TMEM245: variants seen among roughly 807,000 people sequenced by gnomAD.
TMEM245 encodes the protein transmembrane protein 245.
A neutral mutation model predicts 101.2 loss-of-function variants in TMEM245; 69 were observed. That is an observed-to-expected ratio of 0.68 (90% confidence interval 0.56 to 0.83). The LOEUF (loss-of-function observed/expected upper bound fraction) is 0.83, where lower values mean the gene tolerates loss of function less well. TMEM245 is among the 40% of genes least tolerant of loss of function. The pLI is 0.00. For missense variants in TMEM245, 1,075 were observed against 1,092.8 expected (o/e 0.98, Z 0.23); for synonymous variants, 537 against 449.8 (o/e 1.19, Z -2.45).
rs1393839658 is a variant in TMEM245, at chr9:109,050,707, AAG to A, written c.1855-17_1855-16del. 3.1e-6 allele frequency: 5 copies of A among 1,612,060 alleles called. No homozygotes were observed. The highest frequency in any genetic ancestry group is 4.2e-6 in the Non-Finnish European group (5 of 1,179,614). On this transcript the variant is annotated splice_polypyrimidine_tract_variant and intron_variant, in intron 12 of 17. Transcript: ENST00000374586. ...GACTCCAAGATCTGACGAGGAAGGA[AAG>A]CTGGATATCAGAACCAATCCTCATG...
chr9:109,095,788 C>T (rs964226332), intron 3 of TMEM245, among the ~76,000 whole-genome samples: 9 of 152,192 alleles, frequency 5.9e-5, no homozygotes, highest in African/African-American at 2.4e-5. Flanking sequence ...AAGGATCTCT[C>T]GTGTTGACCT....
intron 1 of TMEM245, among the ~76,000 whole-genome samples, chr9:109,118,574 G>A (rs912028262): frequency 3.9e-5 from 6 of 152,166 alleles, no homozygotes; most frequent in Admixed American, 3.3e-4. Flanking sequence ...GTAAGAGTAA[G>A]CTCAGGTTAA....
At chr9:109,021,264 C>A (rs1461195228) in intron 17 of TMEM245, among the ~76,000 whole-genome samples, 3 of 152,122 alleles carry the variant, frequency 2.0e-5, no homozygotes, top group African/African-American at 7.2e-5. Flanking sequence ...ATGGCCAGGT[C>A]AGAATTTATC....
intron 14 of TMEM245, among the ~76,000 whole-genome samples, chr9:109,048,265 G>A (rs562917742): frequency 1.8e-4 from 27 of 152,244 alleles, no homozygotes; most frequent in African/African-American, 6.5e-4. Flanking sequence ...TTGCTAGTAG[G>A]AAAAGGGGAG....
intron 8 of TMEM245, among the ~76,000 whole-genome samples, chr9:109,080,553 A>G (rs767804364): frequency 6.7e-6 from 1 of 150,350 alleles, no homozygotes; most frequent in Non-Finnish European, 1.5e-5. Context: ...TATTAAACTA[A>G]AAAAAACAAG....
chr9:109,045,999 A>T (rs534696199), intron 14 of TMEM245, among the ~76,000 whole-genome samples: 5 of 152,210 alleles, frequency 3.3e-5, no homozygotes, highest in Non-Finnish European at 7.3e-5. Flanking sequence ...TGCTCAAAGT[A>T]AAAAATGGAA....
chr9:109,048,372 C>A (rs1431732919), intron 14 of TMEM245, among the ~76,000 whole-genome samples: 1 of 151,772 alleles, frequency 6.6e-6, no homozygotes, highest in Non-Finnish European at 1.5e-5. Flanking sequence ...GGGATTCTCC[C>A]TAGCTATTAC....
intron 3 of TMEM245, among the ~76,000 whole-genome samples, chr9:109,095,599 G>C (rs1339665816): frequency 6.6e-6 from 1 of 152,208 alleles, no homozygotes; most frequent in African/African-American, 2.4e-5. Context: ...GGACTTTAGT[G>C]TTTATTCTAA....
At chr9:109,097,267 C>G (rs957318301) in intron 3 of TMEM245, among the ~76,000 whole-genome samples, 1 of 152,130 alleles carries the variant, frequency 6.6e-6, no homozygotes, top group African/African-American at 2.4e-5. Flanking sequence ...GACAAAAAAA[C>G]AAATATGAAG....
chr9:109,106,063 C>A (rs924698366), intron 3 of TMEM245, among the ~76,000 whole-genome samples: 5 of 152,094 alleles, frequency 3.3e-5, no homozygotes, highest in African/African-American at 1.2e-4. Flanking sequence ...TGAGCCACTG[C>A]GCACGGCCTG....
chr9:109,016,656 GTGTTTTTTT>G lies in TMEM245; in HGVS notation c.*3795_*3803del, dbSNP rs891973318. 11 of 87,944 alleles carry G rather than the reference GTGTTTTTTT, an allele frequency of 1.3e-4. No individual in the cohort carries two copies. The highest frequency in any genetic ancestry group is 4.5e-4 in the African/African-American group (11 of 24,296). The allele number at this position is 87,944 out of a possible 1,614,324, so 5.4% of individuals were successfully genotyped here. On this transcript the variant is annotated 3_prime_UTR_variant, in exon 18 of 18. Coordinates refer to ENST00000374586, the MANE Select transcript of TMEM245 (RefSeq NM_032012.4). ...CAAACAGTGGCTGCAGACAGCATGT[GTGTTTTTTT>G]TTTTTTTTTTTTTTGCAGGTTCCCA...
intron 14 of TMEM245, among the ~76,000 whole-genome samples, chr9:109,048,987 G>C (rs186527372): frequency 3.3e-4 from 50 of 152,324 alleles, no homozygotes; most frequent in Middle Eastern, 3.4e-3. Flanking sequence ...GGAGAAACAG[G>C]AAGTCCACCT....
At chr9:109,033,851 C>G (rs1412512559) in intron 16 of TMEM245, among the ~76,000 whole-genome samples, 1 of 152,176 alleles carries the variant, frequency 6.6e-6, no homozygotes, top group African/African-American at 2.4e-5. Context: ...GTTAAGTTAA[C>G]CTCCATCAAG....
At chr9:109,107,805 G>A (rs10979690) in intron 2 of TMEM245, among the ~76,000 whole-genome samples, 8,291 of 152,192 alleles carry the variant, frequency 0.054, 360 homozygotes, top group East Asian at 0.13. Context: ...GTACCACGCT[G>A]AAAAATCAAC....
At chr9:109,050,144 T>C (rs1302296332) in intron 14 of TMEM245, 139 bp downstream of exon 14, 1 of 989,156 alleles carries the variant, frequency 1.0e-6, no homozygotes, top group Non-Finnish European at 1.5e-6. Context: ...CCTGTCAAAA[T>C]GAGATGAAAA....
At chr9:109,049,124 C>T (rs1429879958) in intron 14 of TMEM245, among the ~76,000 whole-genome samples, 1 of 152,184 alleles carries the variant, frequency 6.6e-6, no homozygotes, top group South Asian at 2.1e-4. Context: ...AGTCTAAGAT[C>T]CTGCTGATGG....
chr9:109,102,972 C>A (rs1830318771), intron 3 of TMEM245, among the ~76,000 whole-genome samples: 1 of 152,226 alleles, frequency 6.6e-6, no homozygotes, highest in Non-Finnish European at 1.5e-5. Flanking sequence ...TCCTGACAAC[C>A]TCCCCACTTA....
At chr9:109,089,218 A>T (rs1408165271) in intron 5 of TMEM245, among the ~76,000 whole-genome samples, 1 of 148,924 alleles carries the variant, frequency 6.7e-6, no homozygotes, top group Non-Finnish European at 1.5e-5. Context: ...TGGGTGACAA[A>T]GTGAGACCTT....
Position 109,119,375 on chromosome 9 carries a change from G to A in TMEM245, c.539C>T (p.Thr180Met), listed in dbSNP as rs1188617446. 9 of 1,529,696 alleles carry A rather than the reference G, an allele frequency of 5.9e-6. No individual in the cohort carries two copies. In the African/African-American group the frequency reaches 7.0e-5, roughly 12 times the overall value. 94.8% of individuals were successfully genotyped at this position (1,529,696 alleles called of 1,614,324 possible). A position where few individuals can be genotyped will look rare whatever the true frequency, so the allele number is the denominator to read the frequency against. ...GVQVLLVHAA[T>M]LICRGLDYFS... ...GTAGTCCAGCCCGCGGCAGATGAGC[G>A]TGGCAGCGTGCACCAGCAGCACCTG... Residue 180 changes from threonine to methionine, a missense_variant, in exon 1 of 18, where the codon ACG becomes ATG. Physicochemically the swap from Thr to Met is moderately conservative, Grantham distance 81. Transcript: ENST00000374586.
Sources: allele counts gnomAD v4.1 joint callset (sites outside exome capture counted in the v4.1 genomes callset), GRCh38; gene constraint gnomAD v4.1.1; transcripts MANE v1.5; gene names NCBI Gene and HGNC (gene_info 2026-07-23, HGNC 2026-07-21).